The following CCDC88C variants were observed in gnomAD, a reference collection of about 807,000 sequenced individuals.
The protein encoded by CCDC88C is protein Daple.
Under a neutral mutation model 198.8 loss-of-function variants are expected in CCDC88C, and 131 were observed. That is an observed-to-expected ratio of 0.66 (90% confidence interval 0.57 to 0.76). The LOEUF is 0.76. Ranked by LOEUF, CCDC88C falls within the 30% of genes least tolerant of loss-of-function variation. CCDC88C has a pLI of 0.00. For synonymous variants in CCDC88C, 1,166 were observed against 1,114.7 expected, an observed-to-expected ratio of 1.05 and a Z score of -0.92; for missense variants, 2,553 against 2,631.6, an observed-to-expected ratio of 0.97 and a Z score of 0.65.
intron 26 of CCDC88C, among the ~76,000 whole-genome samples, chr14:91,281,775 G>A (rs1890208452): frequency 6.6e-6 from 1 of 152,174 alleles, no homozygotes; most frequent in African/African-American, 2.4e-5. Context: ...GCTGGAACGT[G>A]TGGACCAAAG....
chr14:91,324,066 G>C (rs1211058580), intron 12 of CCDC88C, among the ~76,000 whole-genome samples: 4 of 152,038 alleles, frequency 2.6e-5, no homozygotes, highest in African/African-American at 7.3e-5. Flanking sequence ...CTATGAACTT[G>C]CACGATCACG....
chr14:91,416,639 A>C (rs1470144418), intron 2 of CCDC88C, 99 bp downstream of exon 2: 1 of 838,822 alleles, frequency 1.2e-6, no homozygotes, highest in Non-Finnish European at 2.0e-6. Flanking sequence ...ACTACCCCCC[A>C]CCCCACACAC....
intron 3 of CCDC88C, 178 bp downstream of exon 3, chr14:91,408,481 G>A (rs77555856): frequency 1.7e-5 from 10 of 601,336 alleles, no homozygotes; most frequent in East Asian, 1.5e-4. Context: ...GGAAATCAAC[G>A]CACCATCTCA....
chr14:91,396,960 C>G (rs1057081225), intron 3 of CCDC88C, among the ~76,000 whole-genome samples: 4 of 151,724 alleles, frequency 2.6e-5, no homozygotes, highest in Non-Finnish European at 5.9e-5. Flanking sequence ...AAGCCGTGAT[C>G]GCACCACTGC....
At chr14:91,389,432 G>A (rs868469200) in intron 3 of CCDC88C, among the ~76,000 whole-genome samples, 3 of 152,158 alleles carry the variant, frequency 2.0e-5, no homozygotes, top group East Asian at 1.9e-4. Context: ...GGATGCTTCC[G>A]TGTCTGACAG....
rs1052996231 is a variant in CCDC88C, at chr14:91,371,478, CAGG to C, written c.271-11770_271-11768del. Among the ~76,000 whole-genome samples the C allele has an allele frequency of 6.6e-5, 10 of 151,978 alleles. No individual in the cohort carries two copies. Among genetic ancestry groups the C allele is most frequent in the African/African-American group, 2.4e-4 (10 of 41,356 alleles). ...CCCAGCCAACCTCACCCGCCGGTGG[CAGG>C]AGTACAGAGGCCGGCGGTGGCAGGA... On this transcript the variant is annotated intron_variant, in intron 3 of 29. Coordinates refer to ENST00000389857, the MANE Select transcript of CCDC88C (RefSeq NM_001080414.4). This position sits in a 1 kb window ranked among gnomAD's most constrained non-coding sequence, Gnocchi z 4.2.
intron 4 of CCDC88C, among the ~76,000 whole-genome samples, chr14:91,350,976 A>C (rs1488990346): frequency 6.6e-6 from 1 of 152,038 alleles, no homozygotes. Context: ...GTCCACCACT[A>C]CCTACCATCT....
intron 3 of CCDC88C, among the ~76,000 whole-genome samples, chr14:91,378,065 C>T (rs760281766): frequency 2.6e-5 from 4 of 152,216 alleles, no homozygotes; most frequent in African/African-American, 9.7e-5. Flanking sequence ...AAAACATGAC[C>T]TCTGGCCCTG....
At chr14:91,414,636 T>C (rs1261998106) in intron 2 of CCDC88C, among the ~76,000 whole-genome samples, 3 of 152,186 alleles carry the variant, frequency 2.0e-5, no homozygotes, top group African/African-American at 7.2e-5. Flanking sequence ...TGATGACCCA[T>C]GCAGGAAACC....
intron 2 of CCDC88C, among the ~76,000 whole-genome samples, chr14:91,415,945 C>T (rs1887025192): frequency 3.3e-5 from 5 of 152,126 alleles, no homozygotes; most frequent in Admixed American, 3.3e-4. Flanking sequence ...CCACAGAGAA[C>T]ATTAGGATGT....
intron 3 of CCDC88C, among the ~76,000 whole-genome samples, chr14:91,364,243 G>A (rs1261934843): frequency 2.6e-5 from 4 of 152,202 alleles, no homozygotes; most frequent in East Asian, 1.9e-4. Flanking sequence ...ACCCCCTTCC[G>A]CAGAGCACAT....
chr14:91,276,777 C>A (rs572924565), intron 29 of CCDC88C, among the ~76,000 whole-genome samples: 181 of 152,302 alleles, frequency 1.2e-3, no homozygotes, highest in Non-Finnish European at 2.1e-3. Flanking sequence ...AGTAACCCAA[C>A]AGCTCACGTG....
chr14:91,331,846 C>T (rs976469220), intron 10 of CCDC88C, among the ~76,000 whole-genome samples: 1 of 152,198 alleles, frequency 6.6e-6, no homozygotes, highest in Admixed American at 6.5e-5. Context: ...CAACACCTGG[C>T]AAGCTGGGTA....
chr14:91,378,266 CAG>C (rs887730512), intron 3 of CCDC88C, among the ~76,000 whole-genome samples: 8 of 152,120 alleles, frequency 5.3e-5, no homozygotes, highest in Non-Finnish European at 8.8e-5. Context: ...GCTGGAGGGA[CAG>C]GGGGTGACAA....
At chr14:91,409,782 G>C (rs966269456) in intron 2 of CCDC88C, among the ~76,000 whole-genome samples, 6 of 152,178 alleles carry the variant, frequency 3.9e-5, no homozygotes, top group Non-Finnish European at 8.8e-5. Flanking sequence ...CACTGTGCCA[G>C]GCCAAAATGG....
At chr14:91,307,017 T>C (rs146955368) in intron 18 of CCDC88C, 21 bp downstream of exon 18, 12 of 1,594,610 alleles carry the variant, frequency 7.5e-6, no homozygotes, top group African/African-American at 1.3e-5. Context: ...CGATGGACCA[T>C]GCCCAGGCCA....
At position 91,341,364 on chromosome 14, in the gene CCDC88C, C is replaced by T. The variant is rs527774994; in HGVS notation, c.483+1016G>A. 2.0e-5 allele frequency among the ~76,000 whole-genome samples: 3 copies of T among 152,256 alleles called. No individual in the cohort carries two copies. In the South Asian group the frequency reaches 6.2e-4, roughly 32 times the overall value. On this transcript the variant is annotated intron_variant, in intron 6 of 29. Coordinates refer to ENST00000389857, the MANE Select transcript of CCDC88C (RefSeq NM_001080414.4). ...AGCTTTTATTGAAATGCTTATGCCC[C>T]CTCCTCCCCCTGAGTCTGACTCAGT...
chr14:91,385,227 A>G (rs1885055050), intron 3 of CCDC88C, among the ~76,000 whole-genome samples: 1 of 152,108 alleles, frequency 6.6e-6, no homozygotes, highest in African/African-American at 2.4e-5. Flanking sequence ...AAGTCTACCA[A>G]TGAATGCCAG....
At position 91,313,544 on chromosome 14, in the gene CCDC88C, C is replaced by T. The variant is rs1218963408; in HGVS notation, c.2272G>A (p.Glu758Lys). The T allele has an allele frequency of 1.2e-6, 2 of 1,610,416 alleles. No individual in the cohort carries two copies. The highest frequency in any genetic ancestry group is 8.5e-7 in the Non-Finnish European group (1 of 1,179,882). ...KALGKKSERL[E>K]LSYQSVSAEN... ...GCGCTCACGCTCTGGTAGCTGAGCT[C>T]CAGGCGCTCTGACTTCTTGCCCAGC... The change falls in exon 15 of 30, where the codon GAG (glutamate) becomes AAG (lysine). Residue 758 changes from glutamate to lysine, a missense_variant. Transcript: ENST00000389857. This position sits in a 1 kb window ranked among gnomAD's most constrained non-coding sequence, Gnocchi z 5.2.
Sources: gnomAD v4.1 joint callset for allele counts (sites outside exome capture counted in the v4.1 genomes callset) on GRCh38, gnomAD v4.1.1 for gene constraint, Gnocchi (gnomAD v3.1) non-coding constraint, MANE v1.5 for transcripts, NCBI Gene and HGNC (gene_info 2026-07-23, HGNC 2026-07-21) for gene names.